The following STAG1 variants were observed in gnomAD, a reference collection of about 807,000 sequenced individuals.
STAG1 encodes the protein STAG1 cohesin complex component, also known as cohesin subunit SA-1.
In STAG1, 26 loss-of-function variants were observed where a neutral mutation model predicts 170.9. That is an observed-to-expected ratio of 0.15 (90% CI 0.11 to 0.21). STAG1 has a LOEUF of 0.21. STAG1 is among the 10% of genes least tolerant of loss of function. The pLI, the probability that STAG1 is intolerant of heterozygous loss-of-function variation, is 1.00. For synonymous variants in STAG1, 514 were observed against 497.7 expected (o/e 1.03, Z -0.44); for missense variants, 964 against 1,509.5 (o/e 0.64, Z 5.99).
chr3:136,498,563 A>C (rs1369217564), intron 9 of STAG1, among the ~76,000 whole-genome samples: 1 of 151,922 alleles, frequency 6.6e-6, no homozygotes, highest in Non-Finnish European at 1.5e-5. Context: ...TGAATTTCTT[A>C]AGGATGATGG....
At chr3:136,563,113 T>C (rs1447977157) in intron 5 of STAG1, among the ~76,000 whole-genome samples, 1 of 152,206 alleles carries the variant, frequency 6.6e-6, no homozygotes, top group Non-Finnish European at 1.5e-5. Flanking sequence ...TTATCATTTG[T>C]TAAGGTGCTA....
At chr3:136,484,177 T>C (rs1220483329) in intron 9 of STAG1, among the ~76,000 whole-genome samples, 1 of 150,662 alleles carries the variant, frequency 6.6e-6, no homozygotes, top group Non-Finnish European at 1.5e-5. Context: ...GTTTCCAGTT[T>C]TTCTGTTCTG....
intron 7 of STAG1, among the ~76,000 whole-genome samples, chr3:136,511,106 C>T (rs1934043264): frequency 2.0e-5 from 3 of 152,258 alleles, no homozygotes; most frequent in Admixed American, 6.5e-5. Context: ...TCTGGCATTT[C>T]CCCTGCTTGC....
rs544309669 is a variant in STAG1 at position 136,596,971 on chromosome 3, AG to A, written c.297+7337del. On this transcript the variant is annotated intron_variant, in intron 4 of 33. Coordinates refer to ENST00000383202, the MANE Select transcript of STAG1 (RefSeq NM_005862.3). Reference sequence around the variant, plus strand: ...ATGCCTGTAATCCCAGCTACTTAGGAGGCTGAGGCACAAGAATCACTTGAAC... The same window carrying A: ...ATGCCTGTAATCCCAGCTACTTAGGAGCTGAGGCACAAGAATCACTTGAAC... 3.3e-3 allele frequency among the ~76,000 whole-genome samples: 495 copies of A among 152,258 alleles called. 1 individual carries two copies. Among genetic ancestry groups the A allele is most frequent in the Non-Finnish European group, 5.2e-3 (354 of 68,004 alleles).
chr3:136,424,764 A>T (rs1381402675), intron 16 of STAG1, among the ~76,000 whole-genome samples: 1 of 152,206 alleles, frequency 6.6e-6, no homozygotes, highest in African/African-American at 2.4e-5. Context: ...AATTGTATAT[A>T]TATTTTTCCT....
chr3:136,615,973 TAA>T (rs1939573467), intron 3 of STAG1, among the ~76,000 whole-genome samples: 1 of 151,356 alleles, frequency 6.6e-6, no homozygotes, highest in Non-Finnish European at 1.5e-5. Context: ...GCTTATAAAG[TAA>T]AAGTCATCAG....
chr3:136,458,613 T>G (rs1559813891), intron 13 of STAG1, among the ~76,000 whole-genome samples: 2 of 151,828 alleles, frequency 1.3e-5, no homozygotes, highest in African/African-American at 2.4e-5. Context: ...AAAAAATCAA[T>G]GGGATCTACA....
intron 9 of STAG1, among the ~76,000 whole-genome samples, chr3:136,498,099 G>A (rs1933219926): frequency 6.7e-6 from 1 of 148,370 alleles, no homozygotes; most frequent in South Asian, 2.1e-4. Context: ...GGCTGAGGCA[G>A]GACAATCACT....
chr3:136,525,007 T>A (rs1934924451), intron 6 of STAG1, among the ~76,000 whole-genome samples: 1 of 152,224 alleles, frequency 6.6e-6, no homozygotes, highest in African/African-American at 2.4e-5. Flanking sequence ...CGGTATTTTA[T>A]TGAGGACTTT....
chr3:136,527,840 T>G (rs1935132955), intron 6 of STAG1, among the ~76,000 whole-genome samples: 1 of 152,184 alleles, frequency 6.6e-6, no homozygotes, highest in South Asian at 2.1e-4. Context: ...TGGAGTTTGC[T>G]GGAGGGCCAC....
chr3:136,461,446 T>C (rs1355488199), intron 13 of STAG1, among the ~76,000 whole-genome samples: 1 of 152,152 alleles, frequency 6.6e-6, no homozygotes, highest in Admixed American at 6.6e-5. Flanking sequence ...AAAAAATTGT[T>C]GTGAGAACTA....
At chr3:136,381,249 C>A (rs1576410618) in intron 22 of STAG1, among the ~76,000 whole-genome samples, 1 of 151,844 alleles carries the variant, frequency 6.6e-6, no homozygotes, top group Non-Finnish European at 1.5e-5. Context: ...GATGAGACTG[C>A]TCAAGGAGAA....
chr3:136,477,501 A>C, intron 9 of STAG1, 89 bp from the exon 10 acceptor site: 1 of 1,240,914 alleles, frequency 8.1e-7, no homozygotes. Context: ...AAATATTTCT[A>C]ATGCTGTTTG....
chr3:136,336,299 A>G lies in STAG1; in HGVS notation c.*1955T>C, dbSNP rs992581587. 2 of 152,222 alleles carry G rather than the reference A, an allele frequency of 1.3e-5. No individual in the cohort carries two copies. The highest frequency in any genetic ancestry group is 4.8e-5 in the African/African-American group (2 of 41,462). 9.4% of individuals were successfully genotyped at this position (152,222 alleles called of 1,614,324 possible). A position where few individuals can be genotyped will look rare whatever the true frequency, so the allele number is the denominator to read the frequency against. On this transcript the variant is annotated 3_prime_UTR_variant, in exon 34 of 34. Coordinates refer to ENST00000383202, the MANE Select transcript of STAG1 (RefSeq NM_005862.3). ...AGTTTCAAATTGTACAAAAGGAAAA[A>G]AAACCTCATATTGCAAATGTACAAT...
chr3:136,443,545 T>C (rs2088692253), intron 14 of STAG1, 141 bp from the exon 15 acceptor site: 1 of 613,658 alleles, frequency 1.6e-6, no homozygotes, highest in African/African-American at 1.8e-5. Flanking sequence ...GAACAATATA[T>C]ATATTCACAT....
intron 4 of STAG1, among the ~76,000 whole-genome samples, 175 bp from the exon 5 acceptor site, chr3:136,569,036 C>T (rs1937174875): frequency 6.6e-6 from 1 of 151,760 alleles, no homozygotes; most frequent in Non-Finnish European, 1.5e-5. Flanking sequence ...TTTTAAAGGC[C>T]AATAAAAAGT....
chr3:136,735,906 T>C (rs556668893), intron 1 of STAG1, among the ~76,000 whole-genome samples: 5 of 152,230 alleles, frequency 3.3e-5, no homozygotes, highest in East Asian at 1.9e-4. Context: ...AAGTGAAAGG[T>C]TGGGGTGGCG....
rs879284648 is a variant in STAG1 at position 136,562,266 on chromosome 3, CT to C, written c.394+6498del. ...AACAGTTTCTGAGTCATTTCTTTTT[CT>C]TTTTTTTTTTTAGACAGAGTTTCGC... On this transcript the variant is annotated intron_variant, in intron 5 of 33. Transcript: ENST00000383202. 8.4e-3 allele frequency among the ~76,000 whole-genome samples: 1,146 copies of C among 136,666 alleles called. 8 individuals carry two copies. The highest frequency in any genetic ancestry group is 0.01 in the Non-Finnish European group (632 of 62,726). The allele number at this position is 136,666 out of a possible 152,430, so 89.7% of individuals were successfully genotyped here. A position where few individuals can be genotyped will look rare whatever the true frequency, so the allele number is the denominator to read the frequency against.
At chr3:136,633,749 G>A (rs557768046) in intron 1 of STAG1, among the ~76,000 whole-genome samples, 39 of 140,816 alleles carry the variant, frequency 2.8e-4, no homozygotes, top group Non-Finnish European at 4.6e-4. Flanking sequence ...ATTATAGGCC[G>A]AGGCAAGAGG....
Sources: gnomAD v4.1 joint callset for allele counts (sites outside exome capture counted in the v4.1 genomes callset) on GRCh38, gnomAD v4.1.1 for gene constraint, MANE v1.5 for transcripts, NCBI Gene and HGNC (gene_info 2026-07-23, HGNC 2026-07-21) for gene names.